The following ISLR2 variants were observed in gnomAD, a reference collection of about 807,000 sequenced individuals.
The protein encoded by ISLR2 is immunoglobulin superfamily containing leucine-rich repeat protein 2.
Under a neutral mutation model 25.5 loss-of-function variants are expected in ISLR2, and 16 were observed. The ratio of observed to expected loss-of-function variants is 0.63; its 90% CI spans 0.43 to 0.95. The LOEUF (loss-of-function observed/expected upper bound fraction) is 0.95. ISLR2 is among the 40% of genes least tolerant of loss of function. ISLR2 has a pLI of 0.00. For missense variants in ISLR2, 883 were observed against 1,030.7 expected (o/e 0.86, Z 1.96); for synonymous variants, 508 against 486.6 (o/e 1.04, Z -0.58).
At chr15:74,102,106 G>T (rs1344847626) in intron 1 of ISLR2, among the ~76,000 whole-genome samples, 1 of 146,514 alleles carries the variant, frequency 6.8e-6, no homozygotes, top group Non-Finnish European at 1.5e-5. Flanking sequence ...TGTAATCCCA[G>T]CCTCAGGAGA....
In ISLR2 at chr15:74,134,771, C is replaced by T; in HGVS notation, c.2017C>T (p.Gln673Ter). ...GGGCGGCGAGGAGCCAGAGGACGTG[C>T]AGGGGGAGGGCCTTGATGAAGACGC... is the stretch of plus-strand genomic sequence containing the variant. ...EAGGEEPEDV[Q>*]GEGLDEDAEQ... is the part of the protein sequence containing the mutation. The change falls in exon 3 of 3, where the codon CAG becomes TAG. Residue 673 changes from glutamine (Q) to a stop codon, truncating the protein, a stop_gained. Coordinates refer to ENST00000453268, the MANE Select transcript of ISLR2 (RefSeq NM_020851.3). LOFTEE classifies it high-confidence loss of function. 1 of 1,613,958 alleles carries T rather than the reference C, an allele frequency of 6.2e-7. No homozygotes were observed. The highest frequency in any genetic ancestry group is 8.5e-7 in the Non-Finnish European group (1 of 1,179,926).
chr15:74,127,186 T>C (rs1188458073), upstream of ISLR2: 1 of 152,152 alleles, frequency 6.6e-6, no homozygotes, highest in Non-Finnish European at 1.5e-5. Flanking sequence ...CAACTCTGAG[T>C]GCAGTTGCAA....
intron 2 of ISLR2, among the ~76,000 whole-genome samples, chr15:74,111,591 TATTCATTCATTC>T (rs71137377): frequency 1.2e-3 from 179 of 150,942 alleles, no homozygotes; most frequent in Non-Finnish European, 1.5e-3. Flanking sequence ...GCCAGGCCTC[TATTCATTCATTC>T]ATTCATTCAT....
intron 2 of ISLR2, among the ~76,000 whole-genome samples, chr15:74,121,170 G>T (rs1203725935): frequency 6.6e-6 from 1 of 152,122 alleles, no homozygotes; most frequent in African/African-American, 2.4e-5. Flanking sequence ...CTGGCTGCAG[G>T]CTGGAGGGAT....
chr15:74,137,791 T>C (rs1350490527), downstream of ISLR2, among the ~76,000 whole-genome samples: 1 of 152,206 alleles, frequency 6.6e-6, no homozygotes, highest in Non-Finnish European at 1.5e-5. Context: ...GTCTTCCTAA[T>C]TGGACCAGTC....
At chr15:74,109,311 T>C (rs2072147487) in intron 2 of ISLR2, among the ~76,000 whole-genome samples, 1 of 151,972 alleles carries the variant, frequency 6.6e-6, no homozygotes, top group East Asian at 1.9e-4. Context: ...ACTGACCATG[T>C]TGCTGGGTGA....
In ISLR2 at chr15:74,135,131, A is replaced by G; in HGVS notation, c.*139A>G. The stretch of plus-strand genomic sequence containing the variant: ...CCCTTACTACTCCCCAACCTTGACT[A>G]CCAGGGACTTCTATTAGGGAGTGGG... On this transcript the variant is annotated 3_prime_UTR_variant, in exon 3 of 3. Coordinates refer to ENST00000453268, the MANE Select transcript of ISLR2 (RefSeq NM_020851.3). 1 of 1,036,782 alleles carries G rather than the reference A, an allele frequency of 9.6e-7. No homozygotes were observed. The highest frequency in any genetic ancestry group is 1.4e-6 in the Non-Finnish European group (1 of 715,612). 64.2% of individuals were successfully genotyped at this position (1,036,782 alleles called of 1,614,324 possible).
intron 2 of ISLR2, among the ~76,000 whole-genome samples, chr15:74,122,342 C>T (rs2072259641): frequency 6.6e-6 from 1 of 152,346 alleles, no homozygotes; most frequent in South Asian, 2.1e-4. Flanking sequence ...TCTTTCCAGG[C>T]TACTAGAGCT....
upstream of ISLR2, chr15:74,128,819 AG>A (rs1245055902): frequency 5.0e-6 from 2 of 403,776 alleles, no homozygotes; most frequent in Non-Finnish European, 9.7e-6. Context: ...CCGCCCCCTC[AG>A]GGTTCCCAAC....
chr15:74,125,827 C>T (rs1388605784), upstream of ISLR2: 1 of 152,232 alleles, frequency 6.6e-6, no homozygotes, highest in Non-Finnish European at 1.5e-5. Context: ...TGCTACTTTC[C>T]TCTGAAATCA....
rs112112565 is a variant in ISLR2 at position 74,118,644 on chromosome 15, C to CTATTATTAT, written n.229-12540_229-12532dup. Among the ~76,000 whole-genome samples, 631 of 145,752 alleles carry CTATTATTAT rather than the reference C, an allele frequency of 4.3e-3. 5 individuals are homozygous for CTATTATTAT. The highest frequency in any genetic ancestry group is 7.8e-3 in the Admixed American group (114 of 14,546). On this transcript the variant is annotated intron_variant and non_coding_transcript_variant, in intron 2 of 3. Transcript: ENST00000561975. ...GCAAATGAAGGGGAAAAATCTGAAG[C>CTATTATTAT]TATTATTATTATTATTATTATTATT...
At chr15:74,116,842 G>A (rs141595948) in intron 2 of ISLR2, among the ~76,000 whole-genome samples, 1 of 152,202 alleles carries the variant, frequency 6.6e-6, no homozygotes, top group Non-Finnish European at 1.5e-5. Flanking sequence ...GCTCCTGGAA[G>A]TGGGAAGAGG....
At chr15:74,125,192 C>G (rs2072284686), upstream of ISLR2, among the ~76,000 whole-genome samples, 2 of 152,108 alleles carry the variant, frequency 1.3e-5, no homozygotes, top group African/African-American at 4.8e-5. Context: ...TGCATCCCGC[C>G]CCCCTTACTT....
At chr15:74,128,572 C>G (rs1423866967), upstream of ISLR2, 1 of 456,588 alleles carries the variant, frequency 2.2e-6, no homozygotes, top group Non-Finnish European at 4.4e-6. Flanking sequence ...TCCAGGGAAG[C>G]TCTGGGCAGA....
upstream of ISLR2, chr15:74,128,120 A>G (rs939041297): frequency 6.7e-5 from 19 of 282,516 alleles, no homozygotes; most frequent in African/African-American, 4.0e-4. Context: ...TATTAACGTT[A>G]TAAACATTAG....
chr15:74,120,797 C>G (rs2141936879), intron 2 of ISLR2, among the ~76,000 whole-genome samples: 1 of 152,172 alleles, frequency 6.6e-6, no homozygotes, highest in East Asian at 1.9e-4. Context: ...AATGAGACAG[C>G]ATATAGAAAG....
chr15:74,134,832 A>T lies in ISLR2; in HGVS notation c.2078A>T (p.Glu693Val), dbSNP rs1175198873. Residue 693 changes from glutamate to valine, a missense_variant, in exon 3 of 3, where the codon GAG becomes GTG. Physicochemically the swap from Glu to Val is moderately radical, Grantham distance 121. Around this residue, in one of 2 missense-constraint regions of ISLR2, gnomAD observed 612 missense variants for 642.8 expected, o/e 0.95. Coordinates refer to ENST00000453268, the MANE Select transcript of ISLR2 (RefSeq NM_020851.3). ...GACCCAAGTGGGGACCTGCAGAGAGAGGAGAGCCTGGCGGCCTGCTCACTG... is the reference window on the plus strand; with the variant it reads ...GACCCAAGTGGGGACCTGCAGAGAGTGGAGAGCCTGGCGGCCTGCTCACTG... ...QGDPSGDLQR[E>V]ESLAACSLVE... The T allele has an allele frequency of 2.5e-6, 4 of 1,613,978 alleles. No individual in the cohort carries two copies. The highest frequency in any genetic ancestry group is 1.3e-5 in the African/African-American group (1 of 74,918).
At chr15:74,115,153 C>T (rs1025464027) in intron 2 of ISLR2, among the ~76,000 whole-genome samples, 6 of 152,190 alleles carry the variant, frequency 3.9e-5, no homozygotes, top group African/African-American at 1.4e-4. Flanking sequence ...AGAATGAAAA[C>T]ACCTCATAAT....
At chr15:74,113,233 G>A (rs1157621253) in intron 2 of ISLR2, among the ~76,000 whole-genome samples, 3 of 152,224 alleles carry the variant, frequency 2.0e-5, no homozygotes, top group Non-Finnish European at 2.9e-5. Context: ...TTCCTGCTGC[G>A]CAGCCTGGTT....
Sources: allele counts gnomAD v4.1 joint callset (sites outside exome capture counted in the v4.1 genomes callset), GRCh38; gene constraint gnomAD v4.1.1; regional missense constraint gnomAD v4.1.1; transcripts MANE v1.5; gene names NCBI Gene and HGNC (gene_info 2026-07-23, HGNC 2026-07-21).